PPP2CA: variants seen among roughly 807,000 people sequenced by gnomAD.
PPP2CA encodes serine/threonine-protein phosphatase 2A catalytic subunit alpha isoform.
A neutral mutation model predicts 38.8 loss-of-function variants in PPP2CA; 5 were observed. That is an observed-to-expected ratio of 0.13 (90% CI 0.07 to 0.27). PPP2CA has a LOEUF of 0.27. Among genes scored for constraint, PPP2CA ranks in the 10% least tolerant of loss-of-function variants. The probability of loss-of-function intolerance (pLI) is 1.00; values close to 1 mark genes in which losing one functional copy is unlikely to be tolerated. For missense variants in PPP2CA, 88 were observed against 389.7 expected (o/e 0.23, Z 6.52); for synonymous variants, 152 against 134.0 (o/e 1.13, Z -0.93).
At chr5:134,213,922 A>T (rs1762262106) in intron 1 of PPP2CA, among the ~76,000 whole-genome samples, 1 of 152,188 alleles carries the variant, frequency 6.6e-6, no homozygotes, top group African/African-American at 2.4e-5. Flanking sequence ...TTAGGTCAAG[A>T]GTTTGGGACC....
intron 1 of PPP2CA, among the ~76,000 whole-genome samples, chr5:134,211,250 A>G (rs998910680): frequency 6.6e-6 from 1 of 152,132 alleles, no homozygotes; most frequent in Middle Eastern, 3.4e-3. Context: ...ACCACTGAGG[A>G]CACTATCTTA....
chr5:134,224,729 CA>C (rs1465333338), intron 1 of PPP2CA, among the ~76,000 whole-genome samples: 4 of 152,184 alleles, frequency 2.6e-5, no homozygotes, highest in African/African-American at 9.7e-5. Flanking sequence ...CCCCAACCCC[CA>C]GGGGAAAACA....
In PPP2CA at chr5:134,202,025, AAAC is replaced by A. The variant is rs1422005467; in HGVS notation, c.313-7_313-5del. ...TGATGCGTTCACGGTAACGAACCTA[AAAC>A]AATAAAATGCAAAACATAAACAACT... On this transcript the variant is annotated splice_polypyrimidine_tract_variant and splice_region_variant and intron_variant, in intron 2 of 6. Transcript: ENST00000481195. 1 of 1,573,576 alleles carries A rather than the reference AAAC, an allele frequency of 6.4e-7. No individual in the cohort carries two copies. The highest frequency in any genetic ancestry group is 1.4e-5 in the African/African-American group (1 of 72,728).
At chr5:134,225,653 G>C (rs879188401) in intron 1 of PPP2CA, 107 bp downstream of exon 1, 8 of 981,778 alleles carry the variant, frequency 8.1e-6, no homozygotes, top group Middle Eastern at 2.6e-4. Context: ...CGGAGACTCG[G>C]GGGGCCCGGA....
Position 134,201,568 on chromosome 5 carries a change from C to G in PPP2CA, c.486+280G>C, listed in dbSNP as rs150428682. On this transcript the variant is annotated intron_variant, in intron 3 of 6. Coordinates refer to ENST00000481195, the MANE Select transcript of PPP2CA (RefSeq NM_002715.4). ...GCCAATAATTAGCTCCTTACATCTC[C>G]CAGACTTGTCCAAAAACAGTCTGAG... Among the ~76,000 whole-genome samples, 154 of 152,334 alleles carry G rather than the reference C, an allele frequency of 1.0e-3. 1 individual carries two copies. Among genetic ancestry groups the G allele is most frequent in the African/African-American group, 3.5e-3 (145 of 41,578 alleles).
chr5:134,210,486 A>G (rs1762180555), intron 1 of PPP2CA, among the ~76,000 whole-genome samples: 1 of 152,192 alleles, frequency 6.6e-6, no homozygotes, highest in Non-Finnish European at 1.5e-5. Flanking sequence ...TTTTTCCAGG[A>G]CCTCAAATTT....
Position 134,207,709 on chromosome 5 carries a change from T to C in PPP2CA, c.103-1578A>G, listed in dbSNP as rs189737525. On this transcript the variant is annotated intron_variant, in intron 1 of 6. Transcript: ENST00000481195. Reference sequence around the variant, plus strand: ...AATTGCGACCACAGGTGTGCACCACTATGCCTATTTTGCACTTTTTGTAGA... The same window carrying C: ...AATTGCGACCACAGGTGTGCACCACCATGCCTATTTTGCACTTTTTGTAGA... 6.4e-3 allele frequency among the ~76,000 whole-genome samples: 974 copies of C among 152,284 alleles called. 5 individuals carry two copies. Among genetic ancestry groups the C allele is most frequent in the Middle Eastern group, 0.01 (3 of 294 alleles).
In PPP2CA at chr5:134,197,841, C is replaced by T; in HGVS notation, c.861G>A (p.Leu287=). Residue 287 remains leucine (L), a synonymous_variant, in exon 7 of 7, where the codon TTG becomes TTA. Coordinates refer to ENST00000481195, the MANE Select transcript of PPP2CA (RefSeq NM_002715.4). ...ELDDTLKYSF[L]QFDPAPRRGE... is the part of the protein sequence containing the mutation. ...CTCTACGAGGTGCTGGGTCAAACTG[C>T]AAGCTGAAAAACAAGACCGATTCAT... The T allele has an allele frequency of 6.2e-7, 1 of 1,613,944 alleles. No individual in the cohort carries two copies.
chr5:134,223,912 T>C (rs941887023), intron 1 of PPP2CA, among the ~76,000 whole-genome samples: 11 of 152,234 alleles, frequency 7.2e-5, no homozygotes, highest in Admixed American at 1.3e-4. Context: ...TAAAACGGAA[T>C]TGACTGTATA....
intron 1 of PPP2CA, among the ~76,000 whole-genome samples, chr5:134,217,019 C>T (rs190432878): frequency 1.3e-5 from 2 of 152,292 alleles, no homozygotes; most frequent in African/African-American, 4.8e-5. Context: ...AAGTGGCTCA[C>T]GCCTGTAATC....
intron 1 of PPP2CA, among the ~76,000 whole-genome samples, chr5:134,212,119 A>AAATTGT (rs1762217887): frequency 6.6e-6 from 1 of 151,332 alleles, no homozygotes; most frequent in Non-Finnish European, 1.5e-5. Context: ...TCCATCTCAA[A>AAATTGT]AATAGTAATT....
At chr5:134,205,855 G>T in intron 2 of PPP2CA, 67 bp downstream of exon 2, 1 of 1,357,456 alleles carries the variant, frequency 7.4e-7, no homozygotes, top group Non-Finnish European at 1.0e-6. Context: ...AATAACTGGG[G>T]GAAAAAAAAC....
chr5:134,222,270 T>G (rs1024496121), intron 1 of PPP2CA, among the ~76,000 whole-genome samples: 1 of 152,150 alleles, frequency 6.6e-6, no homozygotes, highest in Non-Finnish European at 1.5e-5. Flanking sequence ...CTGCTTGTCC[T>G]CAATATTCAA....
At chr5:134,217,552 T>C (rs559202238) in intron 1 of PPP2CA, among the ~76,000 whole-genome samples, 2 of 152,346 alleles carry the variant, frequency 1.3e-5, no homozygotes, top group South Asian at 2.1e-4. Context: ...AATTTCATTT[T>C]GTCTCATACT....
At chr5:134,219,325 G>C (rs1292158504) in intron 1 of PPP2CA, among the ~76,000 whole-genome samples, 1 of 152,208 alleles carries the variant, frequency 6.6e-6, no homozygotes, top group African/African-American at 2.4e-5. Flanking sequence ...ATTAAATACT[G>C]GTTCCAAAAT....
intron 1 of PPP2CA, among the ~76,000 whole-genome samples, chr5:134,223,673 C>A (rs1762496726): frequency 6.6e-6 from 1 of 152,200 alleles, no homozygotes. Context: ...CTTCACCCAC[C>A]CCACTCTAGC....
intron 1 of PPP2CA, among the ~76,000 whole-genome samples, chr5:134,213,706 C>T (rs955399385): frequency 3.3e-5 from 5 of 151,634 alleles, no homozygotes; most frequent in South Asian, 4.2e-4. Flanking sequence ...TCACTTGAGC[C>T]CAGGAGTTCA....
intron 2 of PPP2CA, among the ~76,000 whole-genome samples, chr5:134,204,493 T>C (rs184770910): frequency 9.8e-5 from 15 of 152,322 alleles, no homozygotes; most frequent in East Asian, 7.7e-4. Context: ...ACAGGGGTCT[T>C]GCTCTGTCAC....
chr5:134,209,113 AG>A (rs1393034008), intron 1 of PPP2CA, among the ~76,000 whole-genome samples: 3 of 152,204 alleles, frequency 2.0e-5, no homozygotes, highest in African/African-American at 7.2e-5. Flanking sequence ...TAAAATAAAA[AG>A]AACAGTTAAC....
Sources: allele counts gnomAD v4.1 joint callset (sites outside exome capture counted in the v4.1 genomes callset), GRCh38; gene constraint gnomAD v4.1.1; transcripts MANE v1.5; gene names NCBI Gene and HGNC (gene_info 2026-07-23, HGNC 2026-07-21).